The following GRPEL2 variants were observed in gnomAD, a reference collection of about 807,000 sequenced individuals.
The protein encoded by GRPEL2 is GrpE like 2, mitochondrial.
Under a neutral mutation model 25.9 loss-of-function variants are expected in GRPEL2, and 18 were observed. That is an observed-to-expected ratio of 0.70 (90% CI 0.48 to 1.03). The LOEUF is 1.03. GRPEL2 is among the 50% of genes least tolerant of loss of function. The pLI, the probability that GRPEL2 is intolerant of heterozygous loss-of-function variation, is 0.00. For synonymous variants in GRPEL2, 106 were observed against 107.9 expected, an observed-to-expected ratio of 0.98 and a Z score of 0.11; for missense variants, 247 against 276.2, an observed-to-expected ratio of 0.89 and a Z score of 0.75.
rs1757771844 is a variant in GRPEL2 at position 149,351,296 on chromosome 5, A to T, written c.*14A>T. 2 of 1,592,518 alleles carry T rather than the reference A, an allele frequency of 1.3e-6. No homozygotes were observed. Among genetic ancestry groups the T allele is most frequent in the African/African-American group, 2.7e-5 (2 of 74,246 alleles). ...AGAAGACTGTGAAGAGGCCATCAGG[A>T]ACTGGATGTTCTCCCAGAGCGCAGT... On this transcript the variant is annotated 3_prime_UTR_variant, in exon 4 of 4. Transcript: ENST00000329271.
At chr5:149,346,215 T>C (rs192138901) in intron 1 of GRPEL2, among the ~76,000 whole-genome samples, 1 of 152,320 alleles carries the variant, frequency 6.6e-6, no homozygotes, top group Non-Finnish European at 1.5e-5. Flanking sequence ...ACTTAAATAT[T>C]TGGGAAGTGG....
At chr5:149,347,004 C>T (rs1310984752) in intron 1 of GRPEL2, among the ~76,000 whole-genome samples, 3 of 152,084 alleles carry the variant, frequency 2.0e-5, no homozygotes, top group Non-Finnish European at 4.4e-5. Flanking sequence ...GGATTACAGG[C>T]GTGAGCCACC....
chr5:149,353,782 T>C lies in GRPEL2; in HGVS notation c.*2500T>C, dbSNP rs1404374235. On this transcript the variant is annotated 3_prime_UTR_variant, in exon 4 of 4. Coordinates refer to ENST00000329271, the MANE Select transcript of GRPEL2 (RefSeq NM_152407.4). ...AATTTAGAATTAGAAGATGAAGCTA[T>C]AGTAGTAAGAATCTCAAGCTGAAGG... 1 of 152,180 alleles carries C rather than the reference T, an allele frequency of 6.6e-6. No homozygotes were observed. Among genetic ancestry groups the C allele is most frequent in the Non-Finnish European group, 1.5e-5 (1 of 68,032 alleles). The allele number at this position is 152,180 out of a possible 1,614,324, so 9.4% of individuals were successfully genotyped here. A position where few individuals can be genotyped will look rare whatever the true frequency, so the allele number is the denominator to read the frequency against.
chr5:149,346,676 C>A (rs1312336175), intron 1 of GRPEL2, among the ~76,000 whole-genome samples: 1 of 125,692 alleles, frequency 8.0e-6, no homozygotes, highest in Non-Finnish European at 1.6e-5. Flanking sequence ...ATTTCTTGGT[C>A]TAAGCTTTGG....
Position 149,350,976 on chromosome 5 carries a change from A to C in GRPEL2, c.372A>C (p.Thr124=), listed in dbSNP as rs1414478568. ...VEVADILEKT[T]ECISEESEPE... is the part of the protein sequence containing the mutation. ...TGGCTGACATTTTGGAGAAGACTAC[A>C]GAGTGCATTTCTGAAGAATCGGAGC... The change falls in exon 4 of 4, where the codon ACA becomes ACC. Residue 124 remains threonine, a synonymous_variant. Transcript: ENST00000329271. The C allele has an allele frequency of 9.3e-6, 15 of 1,614,084 alleles. No individual in the cohort carries two copies. Among genetic ancestry groups the C allele is most frequent in the Non-Finnish European group, 1.3e-5 (15 of 1,180,002 alleles).
intron 1 of GRPEL2, 80 bp downstream of exon 1, chr5:149,345,696 A>G: frequency 1.7e-6 from 2 of 1,205,996 alleles, no homozygotes; most frequent in African/African-American, 3.0e-5. Context: ...GTGGGCTGGA[A>G]GGCGAGAGCT....
intron 1 of GRPEL2, among the ~76,000 whole-genome samples, chr5:149,346,283 C>G (rs576370363): frequency 6.6e-6 from 1 of 152,108 alleles, no homozygotes; most frequent in Admixed American, 6.5e-5. Flanking sequence ...ATTTAATGAG[C>G]GATGTTAATT....
intron 3 of GRPEL2, 46 bp from the exon 4 acceptor site, chr5:149,350,872 A>G (rs773465841): frequency 2.0e-5 from 32 of 1,597,192 alleles, no homozygotes; most frequent in Middle Eastern, 1.7e-4. Flanking sequence ...GCCCACGGGC[A>G]GAGTGATTTC....
At position 149,353,133 on chromosome 5, in the gene GRPEL2, C is replaced by T. The variant is rs924095430; in HGVS notation, c.*1851C>T. On this transcript the variant is annotated 3_prime_UTR_variant, in exon 4 of 4. Transcript: ENST00000329271. ...ATCTCCTTGTGGGCCTTACCATCTT[C>T]ATCAGATTTAGACCCTTAAAAAACA... is the stretch of plus-strand genomic sequence containing the variant. The T allele has an allele frequency of 2.6e-5, 4 of 152,652 alleles. No individual in the cohort carries two copies. The highest frequency in any genetic ancestry group is 9.6e-5 in the African/African-American group (4 of 41,462). 9.5% of individuals were successfully genotyped at this position (152,652 alleles called of 1,614,324 possible). A position where few individuals can be genotyped will look rare whatever the true frequency, so the allele number is the denominator to read the frequency against.
rs1474974152 is a variant in GRPEL2 at position 149,354,479 on chromosome 5, A to C, written c.*3197A>C. 1 of 152,264 alleles carries C rather than the reference A, an allele frequency of 6.6e-6. No homozygotes were observed. Among genetic ancestry groups the C allele is most frequent in the African/African-American group, 2.4e-5 (1 of 41,470 alleles). The allele number at this position is 152,264 out of a possible 1,614,324, so 9.4% of individuals were successfully genotyped here. On this transcript the variant is annotated 3_prime_UTR_variant, in exon 4 of 4. Coordinates refer to ENST00000329271, the MANE Select transcript of GRPEL2 (RefSeq NM_152407.4). ...GTTCTTTAAACACTAAAGCAAAATCAAATGAGCAAAACTAAGGATGAAATG... is the reference window on the plus strand; with the variant it reads ...GTTCTTTAAACACTAAAGCAAAATCCAATGAGCAAAACTAAGGATGAAATG...
At chr5:149,348,161 A>G in intron 1 of GRPEL2, 111 bp from the exon 2 acceptor site, 1 of 986,538 alleles carries the variant, frequency 1.0e-6, no homozygotes, top group East Asian at 2.5e-5. Context: ...TATAACTGAA[A>G]ACACTTTCTC....
intron 1 of GRPEL2, 70 bp downstream of exon 1, chr5:149,345,686 G>GT (rs1190409037): frequency 7.5e-5 from 101 of 1,351,316 alleles, no homozygotes; most frequent in Non-Finnish European, 9.5e-5. Context: ...CGGGGTGGTT[G>GT]TGGGCTGGAA....
intron 3 of GRPEL2, 28 bp from the exon 4 acceptor site, chr5:149,350,890 A>G (rs1367085511): frequency 6.2e-6 from 10 of 1,605,958 alleles, no homozygotes; most frequent in Admixed American, 3.4e-5. Context: ...TTCCTCACAA[A>G]CAATAAAAAT....
chr5:149,345,847 C>G (rs1380706284), intron 1 of GRPEL2: 3 of 571,944 alleles, frequency 5.2e-6, no homozygotes, highest in Non-Finnish European at 9.4e-6. Flanking sequence ...CGAGGTCATG[C>G]ATGGCCTGGA....
chr5:149,345,546 G>C lies in GRPEL2; in HGVS notation c.7G>C (p.Val3Leu). ...CTCAGCCCAAATTGGAAACATGGCC[G>C]TACGGTCGCTGTGGGCGGGCCGGCT... MA[V>L]RSLWAGRLRV... is the part of the protein sequence containing the mutation. The change falls in exon 1 of 4, where the codon GTA (valine) becomes CTA (leucine). Residue 3 changes from valine (V) to leucine (L), a missense_variant. Physicochemically the swap from Val to Leu is conservative, Grantham distance 32. This residue lies in a region of GRPEL2 where 125 missense variants were observed against 107.0 expected (regional missense o/e 1.17). Coordinates refer to ENST00000329271, the MANE Select transcript of GRPEL2 (RefSeq NM_152407.4). The C allele has an allele frequency of 1.2e-6, 2 of 1,610,840 alleles. No homozygotes were observed. Among genetic ancestry groups the C allele is most frequent in the Non-Finnish European group, 8.5e-7 (1 of 1,178,750 alleles).
In GRPEL2 at chr5:149,353,428, T is replaced by C. The variant is rs1581360359; in HGVS notation, c.*2146T>C. 1 of 152,164 alleles carries C rather than the reference T, an allele frequency of 6.6e-6. No individual in the cohort carries two copies. 9.4% of individuals were successfully genotyped at this position (152,164 alleles called of 1,614,324 possible). On this transcript the variant is annotated 3_prime_UTR_variant, in exon 4 of 4. Coordinates refer to ENST00000329271, the MANE Select transcript of GRPEL2 (RefSeq NM_152407.4). The stretch of plus-strand genomic sequence containing the variant: ...AATTAACATTAATTACAATTAACAA[T>C]AATTTTAGGTATGGAATGTTATGAT...
chr5:149,351,479 T>G lies in GRPEL2; in HGVS notation c.*197T>G. 2 of 566,652 alleles carry G rather than the reference T, an allele frequency of 3.5e-6. No homozygotes were observed. Among genetic ancestry groups the G allele is most frequent in the South Asian group, 2.5e-5 (1 of 40,434 alleles). The allele number at this position is 566,652 out of a possible 1,614,324, so 35.1% of individuals were successfully genotyped here. A position where few individuals can be genotyped will look rare whatever the true frequency, so the allele number is the denominator to read the frequency against. On this transcript the variant is annotated 3_prime_UTR_variant, in exon 4 of 4. Transcript: ENST00000329271. ...TCATCAGAAGTCTTACCATTGGGCATTTGAACAGTGTGACAGGTGTTCCAA... is the reference window on the plus strand; with the variant it reads ...TCATCAGAAGTCTTACCATTGGGCAGTTGAACAGTGTGACAGGTGTTCCAA...
At chr5:149,346,715 A>ATTTTTTTTTTTTTTTTTTTTTT (rs34300270) in intron 1 of GRPEL2, among the ~76,000 whole-genome samples, 1 of 59,262 alleles carries the variant, frequency 1.7e-5, no homozygotes, top group Non-Finnish European at 2.9e-5. Flanking sequence ...GGCCCTGAGA[A>ATTTTTTTTTTTTTTTTTTTTTT]TTTTTTTTTT....
intron 1 of GRPEL2, among the ~76,000 whole-genome samples, chr5:149,347,750 AAGGCTTAGAATTCTAAGCCTT>A (rs759269167): frequency 3.6e-4 from 55 of 152,300 alleles, no homozygotes; most frequent in Admixed American, 9.8e-4. Flanking sequence ...TGTGGTGAGG[AAGGCTTAGAATTCTAAGCCTT>A]AAGGTCCCTT....
Sources: gnomAD v4.1 joint callset for allele counts (sites outside exome capture counted in the v4.1 genomes callset) on GRCh38, gnomAD v4.1.1 for gene constraint, gnomAD v4.1.1 regional missense constraint, MANE v1.5 for transcripts, NCBI Gene and HGNC (gene_info 2026-07-23, HGNC 2026-07-21) for gene names.